Variants in CCDC85A observed in about 807,000 individuals in gnomAD.
CCDC85A encodes coiled-coil domain-containing protein 85A.
Under a neutral mutation model 50.2 loss-of-function variants are expected in CCDC85A, and 38 were observed. That is an observed-to-expected ratio of 0.76 (90% confidence interval 0.58 to 0.99). The LOEUF (loss-of-function observed/expected upper bound fraction) is 0.99, where lower values mean the gene tolerates loss of function less well. Among genes scored for constraint, CCDC85A ranks in the 50% least tolerant of loss-of-function variants. CCDC85A has a pLI of 0.00. For missense variants in CCDC85A, 820 were observed against 742.0 expected, an observed-to-expected ratio of 1.11 and a Z score of -1.22; for synonymous variants, 366 against 301.4, an observed-to-expected ratio of 1.21 and a Z score of -2.22.
chr2:56,332,022 C>T (rs1304816247), intron 2 of CCDC85A, among the ~76,000 whole-genome samples: 4 of 152,214 alleles, frequency 2.6e-5, no homozygotes, highest in Non-Finnish European at 5.9e-5. Context: ...GCATTGCACA[C>T]AGCTGTGCCT....
At chr2:56,342,181 T>C (rs543718516) in intron 2 of CCDC85A, among the ~76,000 whole-genome samples, 22 of 142,708 alleles carry the variant, frequency 1.5e-4, no homozygotes, top group Admixed American at 5.5e-4. Flanking sequence ...TCACCACCTA[T>C]AATTTTCTCT....
intron 2 of CCDC85A, among the ~76,000 whole-genome samples, chr2:56,329,943 CTGTTTTTTTTTTTTTTTTTTTTTTTTTT>C (rs1673687731): frequency 4.4e-5 from 1 of 22,874 alleles, no homozygotes; most frequent in African/African-American, 1.4e-4. Flanking sequence ...TACAGATTTC[CTGTTTTTTTTTTTTTTTTTTTTTTTTTT>C]TTTTTTTTTT....
At chr2:56,325,423 G>A (rs1167280740) in intron 2 of CCDC85A, among the ~76,000 whole-genome samples, 1 of 152,076 alleles carries the variant, frequency 6.6e-6, no homozygotes, top group Admixed American at 6.6e-5. Flanking sequence ...TTTAAAATTA[G>A]TGCATTGAGA....
chr2:56,276,663 C>T (rs1376644034), intron 2 of CCDC85A, among the ~76,000 whole-genome samples: 3 of 152,178 alleles, frequency 2.0e-5, no homozygotes, highest in Non-Finnish European at 4.4e-5. Context: ...GTCCAATAAA[C>T]CTCTTTGTTT....
intron 2 of CCDC85A, among the ~76,000 whole-genome samples, chr2:56,281,344 T>C (rs1269660695): frequency 4.6e-5 from 7 of 152,202 alleles, no homozygotes; most frequent in Admixed American, 4.6e-4. Context: ...TGATGGGACT[T>C]GGGTTCTTTC....
At chr2:56,202,803 C>A (rs575691146) in intron 2 of CCDC85A, among the ~76,000 whole-genome samples, 1 of 152,320 alleles carries the variant, frequency 6.6e-6, no homozygotes, top group Non-Finnish European at 1.5e-5. Context: ...ATTAACCAAG[C>A]TCATTAATTC....
chr2:56,357,125 A>T (rs1675275717), intron 3 of CCDC85A, among the ~76,000 whole-genome samples: 2 of 152,072 alleles, frequency 1.3e-5, no homozygotes, highest in African/African-American at 4.8e-5. Flanking sequence ...CTTGTGAAGA[A>T]GGTGTCTCAT....
chr2:56,361,904 C>T (rs190675455), intron 3 of CCDC85A, among the ~76,000 whole-genome samples: 1 of 152,160 alleles, frequency 6.6e-6, no homozygotes, highest in Admixed American at 6.5e-5. Context: ...GGAGAGGGGA[C>T]ATTGGTACAC....
Position 56,372,471 on chromosome 2 carries a change from C to A in CCDC85A, c.1445C>A (p.Thr482Asn). ...GCRGIGRCLP[T>N]LPGSFRLSSG... is the part of the protein sequence containing the mutation. ...CGAGGAATAGGACGATGCCTGCCTA[C>A]TCTCCCGGTGAGTGAAGATGAGTCA... is the stretch of plus-strand genomic sequence containing the variant. The change falls in exon 4 of 6, where the codon ACT (threonine) becomes AAT (asparagine). Residue 482 changes from threonine (T) to asparagine (N), a missense_variant. Transcript: ENST00000407595. The A allele has an allele frequency of 6.2e-7, 1 of 1,603,034 alleles. No homozygotes were observed. Among genetic ancestry groups the A allele is most frequent in the South Asian group, 1.1e-5 (1 of 89,024 alleles).
chr2:56,350,352 C>A (rs1417277878), intron 3 of CCDC85A, among the ~76,000 whole-genome samples: 3 of 152,044 alleles, frequency 2.0e-5, no homozygotes, highest in Admixed American at 2.0e-4. Context: ...GGGCGGATCA[C>A]TTGAGGTTAG....
chr2:56,212,466 C>T (rs1301284179), intron 2 of CCDC85A, among the ~76,000 whole-genome samples: 1 of 151,860 alleles, frequency 6.6e-6, no homozygotes, highest in Non-Finnish European at 1.5e-5. Context: ...GAGAGAGGAC[C>T]CTTTGGCTTT....
intron 2 of CCDC85A, among the ~76,000 whole-genome samples, chr2:56,283,852 T>G (rs925044697): frequency 6.6e-6 from 1 of 152,154 alleles, no homozygotes; most frequent in African/African-American, 2.4e-5. Flanking sequence ...GTTTTGTCTA[T>G]TGTTTGTGCG....
intron 2 of CCDC85A, among the ~76,000 whole-genome samples, chr2:56,193,650 A>G (rs572377810): frequency 6.6e-6 from 1 of 152,194 alleles, no homozygotes; most frequent in South Asian, 2.1e-4. Context: ...CAGTGTGAAG[A>G]AGTTTGGGGA....
At chr2:56,352,104 T>G (rs1193364156) in intron 3 of CCDC85A, among the ~76,000 whole-genome samples, 1 of 152,178 alleles carries the variant, frequency 6.6e-6, no homozygotes, top group Non-Finnish European at 1.5e-5. Context: ...CTACTTTTCA[T>G]TTTTTGTTTT....
At chr2:56,230,549 A>G (rs1288399026) in intron 2 of CCDC85A, among the ~76,000 whole-genome samples, 1 of 152,174 alleles carries the variant, frequency 6.6e-6, no homozygotes, top group Non-Finnish European at 1.5e-5. Flanking sequence ...TGTGCTTTTA[A>G]AAATGTAAAT....
chr2:56,351,283 G>A (rs1007155032), intron 3 of CCDC85A, among the ~76,000 whole-genome samples: 1 of 151,904 alleles, frequency 6.6e-6, no homozygotes, highest in Non-Finnish European at 1.5e-5. Flanking sequence ...TCAAGTCTTT[G>A]CTATTGTGAA....
chr2:56,281,119 G>A (rs1671187797), intron 2 of CCDC85A, among the ~76,000 whole-genome samples: 1 of 152,020 alleles, frequency 6.6e-6, no homozygotes, highest in East Asian at 1.9e-4. Flanking sequence ...CATTTAGGTG[G>A]CCACTATTCT....
intron 2 of CCDC85A, among the ~76,000 whole-genome samples, chr2:56,311,565 C>T (rs981750693): frequency 2.0e-4 from 31 of 151,606 alleles, no homozygotes; most frequent in African/African-American, 6.8e-4. Context: ...TGTGCTGCAC[C>T]CATTAACTCA....
chr2:56,325,121 T>C (rs1673400634), intron 2 of CCDC85A, among the ~76,000 whole-genome samples: 2 of 152,034 alleles, frequency 1.3e-5, no homozygotes, highest in Non-Finnish European at 2.9e-5. Context: ...GATTTTATAA[T>C]ACAGCACATA....
Sources: allele counts gnomAD v4.1 joint callset (sites outside exome capture counted in the v4.1 genomes callset), GRCh38; gene constraint gnomAD v4.1.1; transcripts MANE v1.5; gene names NCBI Gene and HGNC (gene_info 2026-07-23, HGNC 2026-07-21).